The following DMXL2 variants were observed in gnomAD, a reference collection of about 807,000 sequenced individuals.
DMXL2 encodes Dmx like 2.
A neutral mutation model predicts 331.1 loss-of-function variants in DMXL2; 103 were observed. The observed-to-expected ratio is 0.31, with a 90% CI of 0.27 to 0.37. The LOEUF (loss-of-function observed/expected upper bound fraction) is 0.37. Ranked by LOEUF, DMXL2 falls within the 10% of genes least tolerant of loss-of-function variation. The pLI, the probability that DMXL2 is intolerant of heterozygous loss-of-function variation, is 1.00. For missense variants in DMXL2, 3,171 were observed against 3,642.9 expected (o/e 0.87, Z 3.33); for synonymous variants, 1,281 against 1,252.1 (o/e 1.02, Z -0.49).
chr15:51,460,863 A>C (rs1373078088), intron 33 of DMXL2, among the ~76,000 whole-genome samples: 1 of 152,142 alleles, frequency 6.6e-6, no homozygotes, highest in Non-Finnish European at 1.5e-5. Flanking sequence ...TGAGCTATTC[A>C]AAACAGCAAT....
intron 16 of DMXL2, among the ~76,000 whole-genome samples, chr15:51,506,639 G>C (rs996834630): frequency 2.0e-5 from 3 of 151,938 alleles, no homozygotes; most frequent in Non-Finnish European, 2.9e-5. Flanking sequence ...ATTTTTAGTA[G>C]AGACAGGGTT....
chr15:51,462,627 G>A (rs1481088692), intron 33 of DMXL2, among the ~76,000 whole-genome samples: 5 of 152,046 alleles, frequency 3.3e-5, no homozygotes, highest in Non-Finnish European at 5.9e-5. Flanking sequence ...GTGAGCCACC[G>A]TGCCCGGCCA....
chr15:51,511,930 T>C (rs2046780279), intron 15 of DMXL2, among the ~76,000 whole-genome samples: 1 of 152,022 alleles, frequency 6.6e-6, no homozygotes, highest in Non-Finnish European at 1.5e-5. Flanking sequence ...TTCAGCAAAC[T>C]AACACAGGAA....
intron 3 of DMXL2, chr15:51,568,248 T>C: frequency 2.6e-6 from 1 of 386,788 alleles, no homozygotes; most frequent in Non-Finnish European, 4.6e-6. Context: ...CAAACTAGGG[T>C]AGATCTCAGT....
chr15:51,458,583 T>C lies in DMXL2; in HGVS notation c.8121A>G (p.Gln2707=). Residue 2707 remains glutamine, a synonymous_variant, in exon 36 of 44, where the codon CAA becomes CAG. Coordinates refer to ENST00000560891, the MANE Select transcript of DMXL2 (RefSeq NM_001378457.1). ...EIVLASTHDV[Q]ELDVTSLLAC... is the part of the protein sequence containing the mutation. ...CCAGTAGAGAAGTAACATCAAGTTC[T>C]TGAACATCATGTGTTGAAGCCAAAA... The C allele has an allele frequency of 6.2e-7, 1 of 1,613,968 alleles. No homozygotes were observed. The highest frequency in any genetic ancestry group is 1.3e-5 in the African/African-American group (1 of 75,062).
chr15:51,505,449 A>G (rs2046346578), intron 16 of DMXL2, among the ~76,000 whole-genome samples: 1 of 152,142 alleles, frequency 6.6e-6, no homozygotes, highest in African/African-American at 2.4e-5. Context: ...ACCCCTATAA[A>G]TCTCTTCAGA....
intron 30 of DMXL2, among the ~76,000 whole-genome samples, chr15:51,465,954 T>A (rs2040530236): frequency 6.6e-6 from 1 of 152,226 alleles, no homozygotes. Context: ...TACATATTTT[T>A]TCCTCACTAA....
chr15:51,582,866 C>G (rs966918007), intron 1 of DMXL2, among the ~76,000 whole-genome samples: 1 of 151,722 alleles, frequency 6.6e-6, no homozygotes, highest in Non-Finnish European at 1.5e-5. Context: ...AATGAAGTCA[C>G]CTTCTCATCC....
At position 51,590,684 on chromosome 15, in the gene DMXL2, C is replaced by T. The variant is rs558954511; in HGVS notation, c.88-14503G>A. Among the ~76,000 whole-genome samples the T allele has an allele frequency of 5.1e-4, 77 of 152,196 alleles. 1 individual carries two copies. Among genetic ancestry groups the T allele is most frequent in the South Asian group, 2.7e-3 (13 of 4,824 alleles). On this transcript the variant is annotated intron_variant, in intron 1 of 43. Transcript: ENST00000560891. ...CTGAAACTACAGGCATGCCACTGCA[C>T]CCAACTTCCATTTTAACTCTTTATT...
chr15:51,614,860 C>G (rs1459524159), intron 1 of DMXL2, among the ~76,000 whole-genome samples: 1 of 152,144 alleles, frequency 6.6e-6, no homozygotes, highest in Non-Finnish European at 1.5e-5. Flanking sequence ...CAGGAGCATT[C>G]TAGCTACTAT....
At chr15:51,486,465 T>TC in intron 22 of DMXL2, 128 bp from the exon 23 acceptor site, 1 of 714,658 alleles carries the variant, frequency 1.4e-6, no homozygotes, top group Non-Finnish European at 2.2e-6. Context: ...CAGTGAAGGG[T>TC]AGTTAAATGA....
rs990866740 is a variant in DMXL2 at position 51,603,395 on chromosome 15, A to T, written c.87+19064T>A. 2.0e-5 allele frequency among the ~76,000 whole-genome samples: 3 copies of T among 152,312 alleles called. No individual in the cohort carries two copies. In the East Asian group the frequency reaches 5.8e-4, roughly 29 times the overall value. On this transcript the variant is annotated intron_variant, in intron 1 of 43. Transcript: ENST00000560891. ...CTCTAAAACCAAAAACAGTAAAAAC[A>T]CACCCAAGCTGAAACATATTACTAG...
chr15:51,575,715 G>C (rs2050979523), intron 2 of DMXL2, among the ~76,000 whole-genome samples: 1 of 152,114 alleles, frequency 6.6e-6, no homozygotes, highest in Non-Finnish European at 1.5e-5. Context: ...TATAGTATGA[G>C]TGATATAAGG....
rs1442580139 is a variant in DMXL2, at chr15:51,474,354, TTC to T, written c.7201_7202del (p.Glu2401LysfsTer10). On this transcript the variant is annotated frameshift_variant, in exon 28 of 44. Transcript: ENST00000560891. LOFTEE classifies it high-confidence loss of function. ...KLVVKPRRQS[E>X]NISAPPVLSE... ...TCAAACGTATCTTACCTGAAATATT[TTC>T]TGATTGTCTTCGAGGTTTCACAACA... 3 of 1,606,102 alleles carry T rather than the reference TTC, an allele frequency of 1.9e-6. No homozygotes were observed. Among genetic ancestry groups the T allele is most frequent in the Non-Finnish European group, 2.6e-6 (3 of 1,173,350 alleles).
At chr15:51,486,363 TCTTA>T (rs746713996) in intron 22 of DMXL2, 26 bp from the exon 23 acceptor site, 77 of 1,458,228 alleles carry the variant, frequency 5.3e-5, no homozygotes, top group Middle Eastern at 2.1e-4. Flanking sequence ...TTAATACTTA[TCTTA>T]CTTAATGATA....
At chr15:51,487,699 C>A (rs536263092) in intron 22 of DMXL2, among the ~76,000 whole-genome samples, 13 of 152,310 alleles carry the variant, frequency 8.5e-5, no homozygotes, top group African/African-American at 2.6e-4. Flanking sequence ...CTCAGGTGAT[C>A]TACCTTCCCT....
At chr15:51,617,454 T>A (rs1193997794) in intron 1 of DMXL2, among the ~76,000 whole-genome samples, 3 of 152,128 alleles carry the variant, frequency 2.0e-5, no homozygotes, top group Non-Finnish European at 4.4e-5. Context: ...TCATAAATGC[T>A]CTGAATGGCC....
intron 13 of DMXL2, among the ~76,000 whole-genome samples, chr15:51,527,082 C>T (rs997933577): frequency 3.9e-5 from 6 of 152,076 alleles, no homozygotes; most frequent in Non-Finnish European, 5.9e-5. Context: ...AAGACTACCT[C>T]GAGGCATTTA....
intron 1 of DMXL2, among the ~76,000 whole-genome samples, chr15:51,603,972 A>C (rs1195271080): frequency 6.6e-6 from 1 of 152,128 alleles, no homozygotes; most frequent in Non-Finnish European, 1.5e-5. Context: ...CATAATAAAA[A>C]ATATTCTTAA....
Sources: allele counts gnomAD v4.1 joint callset (sites outside exome capture counted in the v4.1 genomes callset), GRCh38; gene constraint gnomAD v4.1.1; transcripts MANE v1.5; gene names NCBI Gene and HGNC (gene_info 2026-07-23, HGNC 2026-07-21).